Variants in CADM2 observed in about 807,000 individuals in gnomAD.
CADM2 encodes the protein immunoglobulin superfamily member 4D.
A neutral mutation model predicts 49.8 loss-of-function variants in CADM2; 12 were observed. The ratio of observed to expected loss-of-function variants is 0.24; its 90% CI spans 0.15 to 0.39. The LOEUF (loss-of-function observed/expected upper bound fraction) is 0.39. Among genes scored for constraint, CADM2 ranks in the 10% least tolerant of loss-of-function variants. CADM2 has a pLI of 1.00. For missense variants in CADM2, 378 were observed against 492.3 expected (o/e 0.77, Z 2.20); for synonymous variants, 214 against 175.4 (o/e 1.22, Z -1.74).
At chr3:85,760,764 A>T (rs1391678821) in intron 2 of CADM2, among the ~76,000 whole-genome samples, 1 of 152,140 alleles carries the variant, frequency 6.6e-6, no homozygotes, top group African/African-American at 2.4e-5. Flanking sequence ...ATTATATTGA[A>T]ATCAATTTTC....
At chr3:85,967,214 C>T (rs747117352) in intron 8 of CADM2, among the ~76,000 whole-genome samples, 2 of 151,638 alleles carry the variant, frequency 1.3e-5, no homozygotes, top group African/African-American at 4.8e-5. Flanking sequence ...TGTAGGTAAA[C>T]ACAGGTTCCC....
chr3:85,350,201 A>G (rs1330195625), intron 1 of CADM2, among the ~76,000 whole-genome samples: 2 of 152,188 alleles, frequency 1.3e-5, no homozygotes, highest in Non-Finnish European at 2.9e-5. Flanking sequence ...TGGTTACCAA[A>G]TAATATCTAG....
rs899094796 is a variant in CADM2 at position 85,611,250 on chromosome 3, T to G, written c.62-115272T>G. Among the ~76,000 whole-genome samples, 3 of 37,266 alleles carry G rather than the reference T, an allele frequency of 8.1e-5. No homozygotes were observed. The Admixed American group carries it at 1.4e-3, about 17-fold the overall frequency. 24.4% of individuals were successfully genotyped at this position (37,266 alleles called of 152,430 possible). On this transcript the variant is annotated intron_variant, in intron 1 of 9. Coordinates refer to ENST00000383699, the MANE Select transcript of CADM2 (RefSeq NM_001167675.2). ...TCATTAGTCATGTATACTGCAAATG[T>G]TTTTTTTTTTCTGTGAAAGCATACA... is the stretch of plus-strand genomic sequence containing the variant.
chr3:85,380,959 G>A (rs2033870888), intron 1 of CADM2, among the ~76,000 whole-genome samples: 1 of 151,928 alleles, frequency 6.6e-6, no homozygotes, highest in East Asian at 1.9e-4. Flanking sequence ...AAAAGTAGAA[G>A]GGAAGAATAT....
chr3:85,576,300 G>T (rs1030051859), intron 1 of CADM2, among the ~76,000 whole-genome samples: 3 of 151,984 alleles, frequency 2.0e-5, no homozygotes, highest in Non-Finnish European at 2.9e-5. Flanking sequence ...TTAGAACTGC[G>T]GACATATGGT....
intron 1 of CADM2, among the ~76,000 whole-genome samples, chr3:85,429,103 A>C (rs1226440878): frequency 1.3e-5 from 2 of 152,054 alleles, no homozygotes; most frequent in Admixed American, 6.6e-5. Flanking sequence ...CGAATGTTTC[A>C]TTCTGCTATG....
At chr3:85,742,446 T>G (rs1232798527) in intron 2 of CADM2, among the ~76,000 whole-genome samples, 1 of 152,192 alleles carries the variant, frequency 6.6e-6, no homozygotes, top group Non-Finnish European at 1.5e-5. Flanking sequence ...GTCTCTCTAT[T>G]ATCCGCAAGT....
At chr3:85,027,971 TTC>T (rs1310810241) in intron 1 of CADM2, among the ~76,000 whole-genome samples, 3 of 152,316 alleles carry the variant, frequency 2.0e-5, no homozygotes, top group South Asian at 2.1e-4. Flanking sequence ...AGAATTTTTT[TTC>T]TTTTTTCCTT....
chr3:85,169,661 A>T (rs2040567314), intron 1 of CADM2, among the ~76,000 whole-genome samples: 1 of 152,076 alleles, frequency 6.6e-6, no homozygotes, highest in Non-Finnish European at 1.5e-5. Flanking sequence ...AATCCCAGCT[A>T]CCCAGGAGGC....
intron 1 of CADM2, among the ~76,000 whole-genome samples, chr3:85,563,076 C>A (rs62250471): frequency 0.31 from 46,412 of 151,732 alleles, 8,115 homozygotes; most frequent in East Asian, 0.55. Flanking sequence ...AATAAAATTC[C>A]CTTAATTAGA....
intron 1 of CADM2, among the ~76,000 whole-genome samples, chr3:85,345,667 G>A (rs1203635226): frequency 6.6e-6 from 1 of 152,198 alleles, no homozygotes; most frequent in East Asian, 1.9e-4. Context: ...GGGATTGAAG[G>A]ATACATAGGA....
intron 1 of CADM2, among the ~76,000 whole-genome samples, chr3:85,327,041 T>C (rs898109142): frequency 1.4e-4 from 22 of 151,978 alleles, no homozygotes; most frequent in Admixed American, 2.0e-4. Flanking sequence ...ATGTGTCTTT[T>C]TTTTTCTTTT....
At chr3:85,372,290 A>G (rs1436979092) in intron 1 of CADM2, among the ~76,000 whole-genome samples, 1 of 151,808 alleles carries the variant, frequency 6.6e-6, no homozygotes, top group Non-Finnish European at 1.5e-5. Flanking sequence ...AAGAGAATAT[A>G]TGTTTGTCCA....
intron 1 of CADM2, among the ~76,000 whole-genome samples, chr3:85,508,158 G>T (rs995227041): frequency 1.8e-4 from 28 of 152,096 alleles, no homozygotes; most frequent in African/African-American, 6.5e-4. Flanking sequence ...TTTCGCTTCA[G>T]AAATAGGCCT....
intron 1 of CADM2, among the ~76,000 whole-genome samples, chr3:85,350,937 A>G (rs2031278534): frequency 6.6e-6 from 1 of 152,214 alleles, no homozygotes; most frequent in African/African-American, 2.4e-5. Flanking sequence ...AATTTTGTAT[A>G]TAGCTATGAT....
intron 1 of CADM2, among the ~76,000 whole-genome samples, chr3:85,563,411 T>TGGGGA (rs1553742869): frequency 7.0e-6 from 1 of 142,044 alleles, no homozygotes; most frequent in Non-Finnish European, 1.6e-5. Flanking sequence ...TGTGTGTGTG[T>TGGGGA]GGGGGGGTGG....
In CADM2 at chr3:85,165,602, C is replaced by G. The variant is rs148676601; in HGVS notation, c.61+205934C>G. On this transcript the variant is annotated intron_variant, in intron 1 of 9. Transcript: ENST00000383699. ...AAAGAAATGGAAATAGTAGAGGATC[C>G]CTTTGCTTTGGTATGTCTTAGGAAA... Among the ~76,000 whole-genome samples the G allele has an allele frequency of 6.4e-3, 973 of 151,710 alleles. 12 individuals carry two copies. The highest frequency in any genetic ancestry group is 0.022 in the African/African-American group (931 of 41,444).
At chr3:85,823,106 G>T (rs2073693449) in intron 3 of CADM2, among the ~76,000 whole-genome samples, 1 of 152,072 alleles carries the variant, frequency 6.6e-6, no homozygotes, top group African/African-American at 2.4e-5. Flanking sequence ...TTCTTATCTT[G>T]TATAAATAAA....
At chr3:85,042,395 T>G (rs1425367418) in intron 1 of CADM2, among the ~76,000 whole-genome samples, 1 of 152,332 alleles carries the variant, frequency 6.6e-6, no homozygotes, top group East Asian at 1.9e-4. Context: ...TTTCAATGCT[T>G]GTTTAGTGAA....
Sources: gnomAD v4.1 joint callset for allele counts (sites outside exome capture counted in the v4.1 genomes callset) on GRCh38, gnomAD v4.1.1 for gene constraint, MANE v1.5 for transcripts, NCBI Gene and HGNC (gene_info 2026-07-23, HGNC 2026-07-21) for gene names.